Variants in ZNF438 observed in about 807,000 individuals in gnomAD.
ZNF438 encodes the protein zinc finger protein 438.
Under a neutral mutation model 38.0 loss-of-function variants are expected in ZNF438, and 25 were observed. The observed-to-expected ratio is 0.66, with a 90% CI of 0.48 to 0.92. The LOEUF (loss-of-function observed/expected upper bound fraction) is 0.92, where lower values mean the gene tolerates loss of function less well. Among genes scored for constraint, ZNF438 ranks in the 40% least tolerant of loss-of-function variants. The probability of loss-of-function intolerance (pLI) is 0.00; values close to 1 mark genes in which losing one functional copy is unlikely to be tolerated. For synonymous variants in ZNF438, 372 were observed against 364.1 expected (o/e 1.02, Z -0.25); for missense variants, 1,007 against 999.6 (o/e 1.01, Z -0.10).
At chr10:30,877,896 T>A (rs2038675662) in intron 3 of ZNF438, among the ~76,000 whole-genome samples, 1 of 152,242 alleles carries the variant, frequency 6.6e-6, no homozygotes, top group Non-Finnish European at 1.5e-5. Flanking sequence ...AAATTTTAAA[T>A]ATTTTTAAAG....
At chr10:30,868,801 T>C (rs1233372490) in intron 4 of ZNF438, among the ~76,000 whole-genome samples, 1 of 152,236 alleles carries the variant, frequency 6.6e-6, no homozygotes. Flanking sequence ...CTGGATACAT[T>C]ATTTGAACAG....
At chr10:30,975,428 G>A (rs926673944) in intron 1 of ZNF438, among the ~76,000 whole-genome samples, 26 of 152,166 alleles carry the variant, frequency 1.7e-4, no homozygotes, top group Admixed American at 1.0e-3. Flanking sequence ...TAAGTGCCAC[G>A]CCCTGTGTTA....
exon 6 of ZNF438, chr10:30,844,974 T>G: frequency 6.2e-7 from 1 of 1,613,598 alleles, no homozygotes; most frequent in Non-Finnish European, 8.5e-7. Flanking sequence ...TTTCTCAGCT[T>G]CACTGGAAAG....
At chr10:30,909,105 T>C (rs1005785566) in intron 2 of ZNF438, 90 bp from the exon 4 acceptor site, 1 of 152,116 alleles carries the variant, frequency 6.6e-6, no homozygotes, top group Non-Finnish European at 1.5e-5. Flanking sequence ...TCTATATTTT[T>C]TGAAAAAATA....
intron 1 of ZNF438, among the ~76,000 whole-genome samples, chr10:30,974,726 TG>T (rs1470004314): frequency 6.6e-6 from 1 of 152,210 alleles, no homozygotes; most frequent in Non-Finnish European, 1.5e-5. Context: ...AAAATGCTAT[TG>T]AGTAGAAACC....
intron 3 of ZNF438, among the ~76,000 whole-genome samples, chr10:30,908,129 G>A (rs1203965217): frequency 6.6e-6 from 1 of 151,984 alleles, no homozygotes; most frequent in Non-Finnish European, 1.5e-5. Flanking sequence ...ACATATCTGT[G>A]CATTTCCCAA....
At chr10:30,860,195 C>T (rs1374866132) in intron 4 of ZNF438, among the ~76,000 whole-genome samples, 2 of 152,224 alleles carry the variant, frequency 1.3e-5, no homozygotes, top group Non-Finnish European at 2.9e-5. Flanking sequence ...AGGGTCCTGC[C>T]TCATACCCAG....
chr10:31,015,106 T>C (rs2056081824), intron 1 of ZNF438, among the ~76,000 whole-genome samples: 1 of 152,160 alleles, frequency 6.6e-6, no homozygotes, highest in African/African-American at 2.4e-5. Context: ...CAAGCGATCC[T>C]CCGAAAGCAC....
At chr10:30,884,013 A>G (rs2039624293) in intron 3 of ZNF438, among the ~76,000 whole-genome samples, 1 of 152,216 alleles carries the variant, frequency 6.6e-6, no homozygotes, top group African/African-American at 2.4e-5. Flanking sequence ...GTGCTACATA[A>G]TCTTCCTTTT....
At chr10:30,860,458 T>G (rs1194012550) in intron 4 of ZNF438, among the ~76,000 whole-genome samples, 1 of 152,254 alleles carries the variant, frequency 6.6e-6, no homozygotes, top group East Asian at 1.9e-4. Context: ...ATTAATCTGC[T>G]GATCTGTCAG....
At chr10:30,916,610 A>T (rs1239103917) in intron 2 of ZNF438, among the ~76,000 whole-genome samples, 2 of 151,848 alleles carry the variant, frequency 1.3e-5, no homozygotes, top group African/African-American at 4.8e-5. Context: ...TTTTGGATGG[A>T]GTTATATTGG....
intron 4 of ZNF438, among the ~76,000 whole-genome samples, chr10:30,872,388 T>G (rs1367906009): frequency 7.7e-6 from 1 of 129,486 alleles, no homozygotes; most frequent in Non-Finnish European, 1.6e-5. Context: ...ATTGCACCAC[T>G]GCACTCTAGC....
intron 1 of ZNF438, among the ~76,000 whole-genome samples, chr10:30,958,053 A>G (rs1024238728): frequency 1.4e-5 from 2 of 146,494 alleles, no homozygotes; most frequent in Admixed American, 6.9e-5. Flanking sequence ...CTTTTTCCCA[A>G]TGTTGCTTTG....
intron 1 of ZNF438, among the ~76,000 whole-genome samples, chr10:30,948,147 C>T (rs1332083339): frequency 6.6e-6 from 1 of 151,966 alleles, no homozygotes; most frequent in African/African-American, 2.4e-5. Context: ...ACACCGACAT[C>T]TCACACGGCA....
intron 2 of ZNF438, among the ~76,000 whole-genome samples, chr10:30,932,298 T>C (rs542787936): frequency 6.6e-6 from 1 of 152,320 alleles, no homozygotes; most frequent in Non-Finnish European, 1.5e-5. Flanking sequence ...CTATCCCTGG[T>C]TTTTCCATGG....
chr10:30,875,389 G>C (rs982175642), intron 4 of ZNF438: 2 of 983,834 alleles, frequency 2.0e-6, no homozygotes, highest in African/African-American at 3.5e-5. Context: ...AGAAAACTGA[G>C]GCTCAGGGGC....
intron 5 of ZNF438, among the ~76,000 whole-genome samples, chr10:30,848,308 C>T (rs537529109): frequency 2.0e-5 from 3 of 152,258 alleles, no homozygotes; most frequent in Admixed American, 2.0e-4. Flanking sequence ...GAACTATATA[C>T]AGTACTTTAC....
At chr10:30,889,412 C>T (rs747976046) in intron 3 of ZNF438, among the ~76,000 whole-genome samples, 1 of 152,106 alleles carries the variant, frequency 6.6e-6, no homozygotes, top group Non-Finnish European at 1.5e-5. Context: ...TCCCCTCTTC[C>T]CTCCTCTCTT....
At chr10:30,904,488 C>T (rs961071118) in intron 3 of ZNF438, among the ~76,000 whole-genome samples, 4 of 152,204 alleles carry the variant, frequency 2.6e-5, no homozygotes, top group Admixed American at 6.5e-5. Context: ...ACCATGAGTA[C>T]TCTTCACTGT....
Sources: allele counts gnomAD v4.1 joint callset (sites outside exome capture counted in the v4.1 genomes callset), GRCh38; gene constraint gnomAD v4.1.1; transcripts MANE v1.5; gene names NCBI Gene and HGNC (gene_info 2026-07-23, HGNC 2026-07-21).